The following IGLON5 variants were observed in gnomAD, a reference collection of about 807,000 sequenced individuals.
IGLON5 encodes the protein IgLON family member 5.
IGLON5 carries 16 observed loss-of-function variants against 38.2 expected under a neutral mutation model. The observed-to-expected ratio is 0.42, with a 90% CI of 0.28 to 0.64. IGLON5 has a LOEUF of 0.64. Among genes scored for constraint, IGLON5 ranks in the 30% least tolerant of loss-of-function variants. The pLI, the probability that IGLON5 is intolerant of heterozygous loss-of-function variation, is 0.23. For synonymous variants in IGLON5, 207 were observed against 216.4 expected, an observed-to-expected ratio of 0.96 and a Z score of 0.38; for missense variants, 366 against 483.4, an observed-to-expected ratio of 0.76 and a Z score of 2.28.
chr19:51,323,274 CTG>C (rs375753533), intron 2 of IGLON5, among the ~76,000 whole-genome samples: 2 of 150,642 alleles, frequency 1.3e-5, no homozygotes, highest in African/African-American at 4.9e-5. Context: ...CTCTGTCCCT[CTG>C]TGTGTGTGTG....
intron 1 of IGLON5, among the ~76,000 whole-genome samples, chr19:51,319,867 C>CGTGTGATTGTATGTGTTTGT (rs1376731747): frequency 6.6e-6 from 1 of 151,270 alleles, no homozygotes; most frequent in Non-Finnish European, 1.5e-5. Flanking sequence ...TGTTTGTATG[C>CGTGTGATTGTATGTGTTTGT]GTGTGATTGT....
rs569078628 is a variant in IGLON5, at chr19:51,330,531, C to T, written c.*1772C>T. Among the ~76,000 whole-genome samples, 1 of 152,294 alleles carries T rather than the reference C, an allele frequency of 6.6e-6. No individual in the cohort carries two copies. The highest frequency in any genetic ancestry group is 1.9e-4 in the East Asian group (1 of 5,188). ...TTGGCCGAAGACACCCAGCATAGCC[C>T]ATTTCCCACCGTGATTGGCTCAGAG... On this transcript the variant is annotated 3_prime_UTR_variant, in exon 8 of 8. Transcript: ENST00000270642.
intron 1 of IGLON5, among the ~76,000 whole-genome samples, chr19:51,312,132 A>G (rs1162694325): frequency 6.6e-6 from 1 of 151,754 alleles, no homozygotes; most frequent in Non-Finnish European, 1.5e-5. Flanking sequence ...GCCCCGGGGC[A>G]GGGGTCGGCG....
At chr19:51,322,419 CAGAGA>C (rs1218865189) in intron 2 of IGLON5, among the ~76,000 whole-genome samples, 1,709 of 147,930 alleles carry the variant, frequency 0.012, 37 homozygotes, top group African/African-American at 0.04. Flanking sequence ...GAGAAGGGGA[CAGAGA>C]TCCAGAGAGA....
rs766277871 is a variant in IGLON5, at chr19:51,326,860, C to G, written c.608C>G (p.Ser203Trp). The G allele has an allele frequency of 5.8e-6, 9 of 1,560,864 alleles. No homozygotes were observed. The highest frequency in any genetic ancestry group is 6.9e-6 in the Non-Finnish European group (8 of 1,152,536). ...YECVTHNGVN[S>W]APDSRRVLVT... ...TGCGTGACTCACAACGGGGTTAACT[C>G]GGCGCCCGACAGCCGCCGCGTGCTG... Residue 203 changes from serine (S) to tryptophan (W), a missense_variant, in exon 5 of 8, where the codon TCG (serine) becomes TGG (tryptophan). Transcript: ENST00000270642.
chr19:51,311,964 G>A, intron 1 of IGLON5, 38 bp downstream of exon 1: 1 of 1,180,974 alleles, frequency 8.5e-7, no homozygotes, highest in South Asian at 2.4e-5. Context: ...CGGCCGGGAC[G>A]CCAGGGTCTT....
Position 51,328,752 on chromosome 19 carries a change from G to A in IGLON5, c.1004G>A (p.Arg335Lys). ...LLSALGWLWW[R>K]M ...TCCGCCCTGGGCTGGCTGTGGTGGAGAATGTAGGCGCAACCCAGTGGAGCT... is the reference window on the plus strand; with the variant it reads ...TCCGCCCTGGGCTGGCTGTGGTGGAAAATGTAGGCGCAACCCAGTGGAGCT... Residue 335 changes from arginine (R) to lysine (K), a missense_variant, in exon 8 of 8, where the codon AGA becomes AAA. Physicochemically the swap from Arg to Lys is conservative, Grantham distance 26. Coordinates refer to ENST00000270642, the MANE Select transcript of IGLON5 (RefSeq NM_001101372.3). 1.3e-6 allele frequency: 2 copies of A among 1,598,814 alleles called. No homozygotes were observed. The highest frequency in any genetic ancestry group is 2.3e-5 in the South Asian group (2 of 88,470).
chr19:51,318,138 C>T (rs117910607), intron 1 of IGLON5, among the ~76,000 whole-genome samples: 1 of 152,320 alleles, frequency 6.6e-6, no homozygotes, highest in East Asian at 1.9e-4. Context: ...CAGAAAGGTC[C>T]TCCTGGGGCA....
chr19:51,319,252 C>T lies in IGLON5; in HGVS notation c.80-2812C>T, dbSNP rs149671592. Among the ~76,000 whole-genome samples the T allele has an allele frequency of 4.3e-3, 660 of 152,148 alleles. 3 individuals are homozygous for T. Among genetic ancestry groups the T allele is most frequent in the Middle Eastern group, 0.01 (3 of 294 alleles). ...TGGCAGCACTGAATGTGGCACTACC[C>T]GTCGTTCGGTCCAGGTTTTTGTTGG... On this transcript the variant is annotated intron_variant, in intron 1 of 7. Coordinates refer to ENST00000270642, the MANE Select transcript of IGLON5 (RefSeq NM_001101372.3).
intron 1 of IGLON5, among the ~76,000 whole-genome samples, chr19:51,312,908 AAGGAGGC>A (rs1984802591): frequency 6.6e-6 from 1 of 151,574 alleles, no homozygotes. Context: ...AGGAGAGTGC[AAGGAGGC>A]AGGAGGCTGG....
chr19:51,320,675 G>T (rs1011647375), intron 1 of IGLON5, among the ~76,000 whole-genome samples: 7 of 151,338 alleles, frequency 4.6e-5, no homozygotes, highest in African/African-American at 1.7e-4. Context: ...GCAAAGGTTT[G>T]TGTGTGTGTG....
intron 4 of IGLON5, among the ~76,000 whole-genome samples, chr19:51,326,246 A>C (rs1443575855): frequency 1.1e-4 from 16 of 151,966 alleles, no homozygotes; most frequent in Admixed American, 1.0e-3. Context: ...ACATCTGGGA[A>C]TCTCTGGATG....
chr19:51,311,866 G>T lies in IGLON5; in HGVS notation c.19G>T (p.Gly7Trp). 1 of 1,322,434 alleles carries T rather than the reference G, an allele frequency of 7.6e-7. No homozygotes were observed. The highest frequency in any genetic ancestry group is 1.9e-5 in the South Asian group (1 of 54,032). The allele number at this position is 1,322,434 out of a possible 1,614,324, so 81.9% of individuals were successfully genotyped here. ...TGCCGCGATGCCCCCCCCTGCGCCC[G>T]GGGCCCGGCTCCGGCTTCTCGCCGC... MPPPAPGARLRLLAAAA... is the reference protein window; with the variant it reads MPPPAPWARLRLLAAAA... Residue 7 changes from glycine (G) to tryptophan (W), a missense_variant, in exon 1 of 8, where the codon GGG becomes TGG. Physicochemically the swap from Gly to Trp is radical, Grantham distance 184 (BLOSUM62 -2). Coordinates refer to ENST00000270642, the MANE Select transcript of IGLON5 (RefSeq NM_001101372.3).
At chr19:51,316,059 G>A (rs1984914041) in intron 1 of IGLON5, among the ~76,000 whole-genome samples, 1 of 151,606 alleles carries the variant, frequency 6.6e-6, no homozygotes, top group South Asian at 2.1e-4. Context: ...CAGAAAGGAG[G>A]GTAAAGCTGG....
chr19:51,327,964 C>A lies in IGLON5; in HGVS notation c.922+78C>A. Reference sequence around the variant, plus strand: ...GCTAGGGAAGTGGAGACGCCGGGACCGCCCTTCAGGCTGGCCCTGAACTTA... The same window carrying A: ...GCTAGGGAAGTGGAGACGCCGGGACAGCCCTTCAGGCTGGCCCTGAACTTA... On this transcript the variant is annotated intron_variant, in intron 7 of 7. Transcript: ENST00000270642. This position sits in a 1 kb window ranked among gnomAD's most constrained non-coding sequence, Gnocchi z 7.1. 1 of 1,392,750 alleles carries A rather than the reference C, an allele frequency of 7.2e-7. No individual in the cohort carries two copies. The highest frequency in any genetic ancestry group is 9.4e-7 in the Non-Finnish European group (1 of 1,062,702). 86.3% of individuals were successfully genotyped at this position (1,392,750 alleles called of 1,614,324 possible).
At position 51,322,058 on chromosome 19, in the gene IGLON5, C is replaced by T. The variant is rs1985073787; in HGVS notation, c.80-6C>T. ...GCCAAGGCTGAGCCACCCCCACCTTCCACAGGGCTGCTCTCCCAGAGCCTG... is the reference window on the plus strand; with the variant it reads ...GCCAAGGCTGAGCCACCCCCACCTTTCACAGGGCTGCTCTCCCAGAGCCTG... On this transcript the variant is annotated splice_polypyrimidine_tract_variant and splice_region_variant and intron_variant, in intron 1 of 7. Coordinates refer to ENST00000270642, the MANE Select transcript of IGLON5 (RefSeq NM_001101372.3). The T allele has an allele frequency of 1.9e-6, 3 of 1,612,910 alleles. No individual in the cohort carries two copies. Among genetic ancestry groups the T allele is most frequent in the Non-Finnish European group, 2.5e-6 (3 of 1,179,744 alleles).
intron 1 of IGLON5, among the ~76,000 whole-genome samples, chr19:51,314,970 T>C (rs10420455): frequency 0.02 from 3,007 of 152,220 alleles, 92 homozygotes; most frequent in African/African-American, 0.068. Flanking sequence ...AAGTGATGGA[T>C]TGGTTGGTTT....
intron 1 of IGLON5, among the ~76,000 whole-genome samples, chr19:51,315,488 G>A (rs993524253): frequency 6.6e-6 from 1 of 152,132 alleles, no homozygotes; most frequent in Non-Finnish European, 1.5e-5. Context: ...TCCTCACGGA[G>A]CTTAGATCAT....
intron 2 of IGLON5, among the ~76,000 whole-genome samples, chr19:51,323,092 AGTCTCTGTCCCCTCTCTCTGG>A (rs1284703014): frequency 2.3e-5 from 2 of 88,672 alleles, no homozygotes; most frequent in East Asian, 3.4e-4. Context: ...TGTGTGTGTG[AGTCTCTGTCCCCTCTCTCTGG>A]GTCTCTGCCC....
Sources: allele counts gnomAD v4.1 joint callset (sites outside exome capture counted in the v4.1 genomes callset), GRCh38; gene constraint gnomAD v4.1.1; non-coding constraint Gnocchi (gnomAD v3.1); transcripts MANE v1.5; gene names NCBI Gene and HGNC (gene_info 2026-07-23, HGNC 2026-07-21).